The following ETS1 variants were observed in gnomAD, a reference collection of about 807,000 sequenced individuals.
The protein encoded by ETS1 is protein C-ets-1.
Under a neutral mutation model 58.6 loss-of-function variants are expected in ETS1, and 15 were observed. The observed-to-expected ratio is 0.26, with a 90% CI of 0.17 to 0.39. The LOEUF (loss-of-function observed/expected upper bound fraction) is 0.39. ETS1 is among the 10% of genes least tolerant of loss of function. The pLI is 1.00. For missense variants in ETS1, 417 were observed against 610.5 expected (o/e 0.68, Z 3.34); for synonymous variants, 214 against 218.2 (o/e 0.98, Z 0.17).
intron 3 of ETS1, among the ~76,000 whole-genome samples, chr11:128,525,003 C>T (rs752586075): frequency 4.0e-5 from 6 of 149,628 alleles, no homozygotes; most frequent in Non-Finnish European, 7.4e-5. Flanking sequence ...TACTTCAATA[C>T]CATATCTGGT....
intron 2 of ETS1, among the ~76,000 whole-genome samples, chr11:128,566,535 G>C (rs1455589597): frequency 6.6e-6 from 1 of 152,136 alleles, no homozygotes. Flanking sequence ...TGTAATCCCA[G>C]CACTTTGGGA....
chr11:128,554,830 C>T (rs1310226357), intron 3 of ETS1, among the ~76,000 whole-genome samples: 1 of 152,036 alleles, frequency 6.6e-6, no homozygotes, highest in Non-Finnish European at 1.5e-5. Flanking sequence ...ATAAATACAG[C>T]CATTTTGACC....
chr11:128,478,318 G>A (rs191827783), intron 8 of ETS1, among the ~76,000 whole-genome samples: 130 of 129,494 alleles, frequency 1.0e-3, no homozygotes, highest in East Asian at 7.4e-4. Flanking sequence ...AAGGAGGGAA[G>A]GAAAGAAGGA....
intron 6 of ETS1, 82 bp from the exon 7 acceptor site, chr11:128,485,153 G>T: frequency 1.6e-6 from 2 of 1,249,990 alleles, no homozygotes; most frequent in Non-Finnish European, 2.2e-6. Context: ...AGGGCCCTAT[G>T]ATGTGGGACA....
At chr11:128,521,870 C>G (rs775017683) in intron 3 of ETS1, 4 of 1,548,790 alleles carry the variant, frequency 2.6e-6, no homozygotes, top group South Asian at 2.3e-5. Context: ...CCCCCGGCCT[C>G]TGGCCGAGAG....
At chr11:128,581,621 G>A (rs752386135) in intron 1 of ETS1, among the ~76,000 whole-genome samples, 19 of 152,138 alleles carry the variant, frequency 1.2e-4, no homozygotes, top group East Asian at 1.2e-3. Context: ...AAGAATGGTC[G>A]TAATAGAGGC....
intron 3 of ETS1, among the ~76,000 whole-genome samples, chr11:128,501,579 TAA>T (rs1402968638): frequency 6.6e-6 from 1 of 152,246 alleles, no homozygotes; most frequent in Non-Finnish European, 1.5e-5. Flanking sequence ...TGCAATGCAC[TAA>T]GTGTGCTTTC....
At chr11:128,556,143 G>C (rs772504959) in intron 3 of ETS1, 148 bp downstream of exon 3, 4 of 606,140 alleles carry the variant, frequency 6.6e-6, no homozygotes, top group Non-Finnish European at 1.1e-5. Context: ...AAAATTTATG[G>C]AGAAGGCCCG....
intron 1 of ETS1, among the ~76,000 whole-genome samples, chr11:128,582,318 T>A (rs1323443989): frequency 6.6e-6 from 1 of 152,318 alleles, no homozygotes; most frequent in East Asian, 1.9e-4. Context: ...CAGGTAATAA[T>A]ATCAACACTT....
chr11:128,463,381 T>C lies in ETS1; in HGVS notation c.1242+128A>G. 1.5e-6 allele frequency: 1 copy of C among 668,540 alleles called. No individual in the cohort carries two copies. 41.4% of individuals were successfully genotyped at this position (668,540 alleles called of 1,614,324 possible). A position where few individuals can be genotyped will look rare whatever the true frequency, so the allele number is the denominator to read the frequency against. On this transcript the variant is annotated intron_variant, in intron 9 of 9. Transcript: ENST00000392668. The surrounding 1 kb of genome is among the most constrained non-coding windows in gnomAD (Gnocchi z 4.1). ...AGCTCAGACAGGCTACCTAGCTTGC[T>C]CCGGGTGGCAAGTGGCAGAGCTGGG...
intron 3 of ETS1, among the ~76,000 whole-genome samples, chr11:128,537,421 G>A (rs1863988006): frequency 6.6e-6 from 1 of 152,102 alleles, no homozygotes; most frequent in Non-Finnish European, 1.5e-5. Flanking sequence ...GTCATTGGGA[G>A]GTGGATACAG....
rs768258893 is a variant in ETS1 at position 128,521,915 on chromosome 11, G to A, written c.215-31339C>T. 1.3e-6 allele frequency: 2 copies of A among 1,597,804 alleles called. No individual in the cohort carries two copies. Among genetic ancestry groups the A allele is most frequent in the Non-Finnish European group, 8.5e-7 (1 of 1,171,986 alleles). On this transcript the variant is annotated intron_variant, in intron 3 of 9. Transcript: ENST00000392668. Reference sequence around the variant, plus strand: ...GGGCCTCGGCCGTCGCCACTCACCCGGGGAGGGGAAAAGCTCCAGATCGAC... The same window carrying A: ...GGGCCTCGGCCGTCGCCACTCACCCAGGGAGGGGAAAAGCTCCAGATCGAC...
At chr11:128,462,675 G>C in intron 9 of ETS1, 99 bp from the exon 10 acceptor site, 1 of 818,710 alleles carries the variant, frequency 1.2e-6, no homozygotes, top group Non-Finnish European at 2.0e-6. Flanking sequence ...CATTCATGGT[G>C]ACCCATGATG....
At chr11:128,527,311 A>G (rs1210537360) in intron 3 of ETS1, 3 of 191,788 alleles carry the variant, frequency 1.6e-5, no homozygotes, top group Non-Finnish European at 3.3e-5. Context: ...AGCCCCAACA[A>G]TGTGGGGTGG....
At chr11:128,563,290 CAG>C (rs1864435468) in intron 2 of ETS1, among the ~76,000 whole-genome samples, 1 of 152,144 alleles carries the variant, frequency 6.6e-6, no homozygotes, top group East Asian at 1.9e-4. Flanking sequence ...ATTTTAAACC[CAG>C]AAGCAAGGCT....
At chr11:128,551,829 G>T (rs964999178) in intron 3 of ETS1, among the ~76,000 whole-genome samples, 1 of 152,022 alleles carries the variant, frequency 6.6e-6, no homozygotes, top group African/African-American at 2.4e-5. Flanking sequence ...GCTAAGTGAC[G>T]GCACTGTTTT....
chr11:128,571,491 A>AGACTCCGTCCAGCCTGGACGACAGAGCG (rs1864629299), intron 2 of ETS1, among the ~76,000 whole-genome samples: 1 of 104,234 alleles, frequency 9.6e-6, no homozygotes, highest in African/African-American at 4.3e-5. Flanking sequence ...GCGACAGAGC[A>AGACTCCGTCCAGCCTGGACGACAGAGCG]AGACTCCGTC....
chr11:128,545,341 T>C (rs1864117991), intron 3 of ETS1, among the ~76,000 whole-genome samples: 1 of 152,212 alleles, frequency 6.6e-6, no homozygotes, highest in African/African-American at 2.4e-5. Flanking sequence ...GTCACAGCAA[T>C]GAAGATGTGA....
intron 1 of ETS1, among the ~76,000 whole-genome samples, chr11:128,586,840 T>C (rs1865041500): frequency 6.6e-6 from 1 of 152,198 alleles, no homozygotes; most frequent in African/African-American, 2.4e-5. Context: ...CTCCTGCCAC[T>C]GAGTCCAGCT....
Sources: allele counts gnomAD v4.1 joint callset (sites outside exome capture counted in the v4.1 genomes callset), GRCh38; gene constraint gnomAD v4.1.1; non-coding constraint Gnocchi (gnomAD v3.1); transcripts MANE v1.5; gene names NCBI Gene and HGNC (gene_info 2026-07-23, HGNC 2026-07-21).